The following PRR14L variants were observed in gnomAD, a reference collection of about 807,000 sequenced individuals.
The protein encoded by PRR14L is proline rich 14 like.
PRR14L carries 80 observed loss-of-function variants against 155.0 expected under a neutral mutation model. The observed-to-expected ratio is 0.52, with a 90% CI of 0.43 to 0.62. The LOEUF (loss-of-function observed/expected upper bound fraction) is 0.62, where lower values mean the gene tolerates loss of function less well. PRR14L is among the 20% of genes least tolerant of loss of function. PRR14L has a pLI of 0.00. For missense variants in PRR14L, 2,469 were observed against 2,548.0 expected, an observed-to-expected ratio of 0.97 and a Z score of 0.67; for synonymous variants, 883 against 916.0, an observed-to-expected ratio of 0.96 and a Z score of 0.65.
intron 2 of PRR14L, among the ~76,000 whole-genome samples, chr22:31,735,477 T>C (rs1274153120): frequency 6.6e-6 from 1 of 151,436 alleles, no homozygotes; most frequent in Non-Finnish European, 1.5e-5. Context: ...AGTAATCTAG[T>C]TCTTAGGTTG....
intron 4 of PRR14L, among the ~76,000 whole-genome samples, chr22:31,708,911 C>G (rs1489891389): frequency 6.6e-6 from 1 of 152,134 alleles, no homozygotes; most frequent in African/African-American, 2.4e-5. Flanking sequence ...AGCACAACCT[C>G]CAACTCCTGG....
At chr22:31,710,614 G>A (rs749940826) in intron 4 of PRR14L, among the ~76,000 whole-genome samples, 14 of 151,916 alleles carry the variant, frequency 9.2e-5, no homozygotes, top group East Asian at 5.8e-4. Context: ...CACTATGCCC[G>A]GCTAATTTTT....
intron 2 of PRR14L, among the ~76,000 whole-genome samples, chr22:31,732,782 T>G (rs2074757168): frequency 6.6e-6 from 1 of 152,190 alleles, no homozygotes; most frequent in South Asian, 2.1e-4. Context: ...CTGACACACC[T>G]GGAAATCACT....
chr22:31,698,159 G>C (rs1411613936), intron 7 of PRR14L, among the ~76,000 whole-genome samples: 1 of 151,708 alleles, frequency 6.6e-6, no homozygotes, highest in Non-Finnish European at 1.5e-5. Context: ...TGAGTAGCTG[G>C]GATGACAGGT....
At chr22:31,701,789 T>A in intron 6 of PRR14L, 27 bp from the exon 7 acceptor site, 3 of 1,537,848 alleles carry the variant, frequency 2.0e-6, no homozygotes, top group Non-Finnish European at 2.7e-6. Flanking sequence ...AGAAGAAAGA[T>A]GGTCAAGCTG....
chr22:31,736,052 C>CA (rs36027153), intron 2 of PRR14L, among the ~76,000 whole-genome samples: 16,544 of 86,852 alleles, frequency 0.19, 2,525 homozygotes, highest in East Asian at 0.46. Flanking sequence ...GACTCCATCT[C>CA]AAAAAAAAAA....
intron 6 of PRR14L, among the ~76,000 whole-genome samples, chr22:31,703,006 C>T (rs1463637562): frequency 6.7e-6 from 1 of 149,466 alleles, no homozygotes; most frequent in Non-Finnish European, 1.5e-5. Context: ...TGTAGAGACA[C>T]AGTTTTGCCA....
At chr22:31,704,987 A>C (rs539723556) in intron 4 of PRR14L, among the ~76,000 whole-genome samples, 2 of 152,290 alleles carry the variant, frequency 1.3e-5, no homozygotes, top group East Asian at 3.9e-4. Flanking sequence ...TGGCTGGGCA[A>C]GGTGGCTGAT....
chr22:31,691,042 C>T (rs1391188576), intron 7 of PRR14L, among the ~76,000 whole-genome samples: 4 of 151,626 alleles, frequency 2.6e-5, no homozygotes, highest in African/African-American at 9.7e-5. Flanking sequence ...AGGCTCACTG[C>T]AACATCCGCA....
In PRR14L at chr22:31,717,101, G is replaced by T. The variant is rs367578618; in HGVS notation, c.738C>A (p.Thr246=). Reference sequence around the variant, plus strand: ...AAGGTTCTGGGGTAACTAATGTGCTGGTTTCTGAAACCTCATCACTGGTCA... The same window carrying T: ...AAGGTTCTGGGGTAACTAATGTGCTTGTTTCTGAAACCTCATCACTGGTCA... ...KIMTSDEVSE[T]STLVTPEPLT... is the part of the protein sequence containing the mutation. Residue 246 remains threonine (T), a synonymous_variant, in exon 4 of 9, where the codon ACC becomes ACA. Transcript: ENST00000327423. 2.8e-4 allele frequency: 438 copies of T among 1,552,150 alleles called. 1 individual carries two copies. The highest frequency in any genetic ancestry group is 9.8e-4 in the Admixed American group (50 of 50,998).
intron 4 of PRR14L, 113 bp downstream of exon 4, chr22:31,711,970 G>T: frequency 6.1e-6 from 6 of 985,320 alleles, no homozygotes; most frequent in Non-Finnish European, 7.4e-6. Flanking sequence ...AATAGAAAAT[G>T]CAGACCCAAG....
At chr22:31,739,857 C>T (rs999628338) in intron 1 of PRR14L, among the ~76,000 whole-genome samples, 1 of 152,166 alleles carries the variant, frequency 6.6e-6, no homozygotes, top group Non-Finnish European at 1.5e-5. Context: ...CACACACATA[C>T]TCAGGGCCAG....
At chr22:31,741,140 C>T (rs2074810759) in intron 1 of PRR14L, among the ~76,000 whole-genome samples, 1 of 151,296 alleles carries the variant, frequency 6.6e-6, no homozygotes, top group Non-Finnish European at 1.5e-5. Flanking sequence ...GTGGTCCCAG[C>T]TACTCAGGAG....
chr22:31,702,940 C>T (rs532656073), intron 6 of PRR14L, among the ~76,000 whole-genome samples: 6 of 152,084 alleles, frequency 3.9e-5, no homozygotes, highest in Non-Finnish European at 5.9e-5. Context: ...CTCAGCCTCC[C>T]GAGTAACTGG....
intron 7 of PRR14L, among the ~76,000 whole-genome samples, chr22:31,691,563 A>G (rs943455081): frequency 3.9e-5 from 6 of 152,194 alleles, no homozygotes; most frequent in Non-Finnish European, 8.8e-5. Context: ...TACTTTTAGC[A>G]GTCACCTGGA....
At chr22:31,685,932 A>T in intron 8 of PRR14L, 129 bp from the exon 9 acceptor site, 1 of 803,878 alleles carries the variant, frequency 1.2e-6, no homozygotes, top group South Asian at 1.9e-5. Context: ...ACTTGCGCCA[A>T]CTCTTTTTCT....
chr22:31,706,886 C>A (rs1447894598), intron 4 of PRR14L, among the ~76,000 whole-genome samples: 3 of 151,998 alleles, frequency 2.0e-5, no homozygotes, highest in Non-Finnish European at 4.4e-5. Flanking sequence ...CCTGTCTCTA[C>A]TAAAAATACA....
chr22:31,738,433 G>A lies in PRR14L; in HGVS notation c.428C>T (p.Pro143Leu). The change falls in exon 2 of 9, where the codon CCA becomes CTA. Residue 143 changes from proline to leucine, a missense_variant. By Grantham distance (98) the Pro-to-Leu change is moderately conservative. Coordinates refer to ENST00000327423, the MANE Select transcript of PRR14L (RefSeq NM_173566.3). ...REPSEGAKED[P>L]HQHSTAAEEK... ...TTCAGCAGCTGTGGAATGTTGATGT[G>A]GATCTTCCTTTGCTCCCTCAGAGGG... is the stretch of plus-strand genomic sequence containing the variant. 1 of 1,552,280 alleles carries A rather than the reference G, an allele frequency of 6.4e-7. No individual in the cohort carries two copies. Among genetic ancestry groups the A allele is most frequent in the Non-Finnish European group, 8.7e-7 (1 of 1,147,118 alleles).
intron 2 of PRR14L, among the ~76,000 whole-genome samples, chr22:31,735,396 G>A (rs887423530): frequency 4.6e-5 from 7 of 150,998 alleles, no homozygotes; most frequent in African/African-American, 7.3e-5. Context: ...AACTGAGATC[G>A]TGCCATTGCA....
Sources: gnomAD v4.1 joint callset for allele counts (sites outside exome capture counted in the v4.1 genomes callset) on GRCh38, gnomAD v4.1.1 for gene constraint, MANE v1.5 for transcripts, NCBI Gene and HGNC (gene_info 2026-07-23, HGNC 2026-07-21) for gene names.